FHOD3: variants seen among roughly 807,000 people sequenced by gnomAD.
FHOD3 encodes FH1/FH2 domain-containing protein 3.
Under a neutral mutation model 173.0 loss-of-function variants are expected in FHOD3, and 90 were observed. The ratio of observed to expected loss-of-function variants is 0.52; its 90% CI spans 0.44 to 0.62. The LOEUF (loss-of-function observed/expected upper bound fraction) is 0.62. FHOD3 is among the 20% of genes least tolerant of loss of function. The pLI is 0.00. For missense variants in FHOD3, 1,945 were observed against 2,034.7 expected (o/e 0.96, Z 0.85); for synonymous variants, 828 against 823.0 (o/e 1.01, Z -0.10).
At chr18:36,556,555 T>G (rs1478896018) in intron 5 of FHOD3, among the ~76,000 whole-genome samples, 1 of 152,182 alleles carries the variant, frequency 6.6e-6, no homozygotes, top group African/African-American at 2.4e-5. Context: ...ACGTTATACC[T>G]CTTTGTGTAT....
intron 10 of FHOD3, among the ~76,000 whole-genome samples, chr18:36,637,909 G>C (rs1017142770): frequency 6.6e-6 from 1 of 152,190 alleles, no homozygotes; most frequent in African/African-American, 2.4e-5. Flanking sequence ...CCACCAGCAG[G>C]TAGAAGAAAT....
chr18:36,688,189 T>G (rs1323596496), intron 16 of FHOD3, among the ~76,000 whole-genome samples: 1 of 152,222 alleles, frequency 6.6e-6, no homozygotes, highest in African/African-American at 2.4e-5. Context: ...CCCCCAGCTC[T>G]TTATAGCCTG....
chr18:36,490,222 C>T (rs534852869), intron 3 of FHOD3, among the ~76,000 whole-genome samples: 19 of 152,246 alleles, frequency 1.2e-4, no homozygotes, highest in African/African-American at 4.6e-4. Flanking sequence ...GCATTTTGAT[C>T]TATTAAGTGG....
chr18:36,663,870 G>A (rs771944902), intron 14 of FHOD3, among the ~76,000 whole-genome samples: 15 of 152,206 alleles, frequency 9.9e-5, no homozygotes, highest in Non-Finnish European at 1.8e-4. Flanking sequence ...CAAGTGGACT[G>A]TCTATTCCCT....
chr18:36,362,903 A>T (rs1046423340), intron 2 of FHOD3, among the ~76,000 whole-genome samples: 1 of 152,374 alleles, frequency 6.6e-6, no homozygotes, highest in African/African-American at 2.4e-5. Context: ...AACGTATCTG[A>T]TGGAGTACAA....
At chr18:36,629,932 G>A (rs955182326) in intron 10 of FHOD3, among the ~76,000 whole-genome samples, 1 of 152,104 alleles carries the variant, frequency 6.6e-6, no homozygotes, top group African/African-American at 2.4e-5. Context: ...GGTGCTGCTG[G>A]CATCTAGTGG....
intron 3 of FHOD3, among the ~76,000 whole-genome samples, chr18:36,457,372 G>T (rs562697172): frequency 1.3e-5 from 2 of 152,130 alleles, no homozygotes; most frequent in Non-Finnish European, 2.9e-5. Flanking sequence ...GGTGAAAGTG[G>T]CAGCCATCAG....
In FHOD3 at chr18:36,652,688, G is replaced by T. The variant is rs2036144259; in HGVS notation, c.1405G>T (p.Ala469Ser). 1 of 1,535,660 alleles carries T rather than the reference G, an allele frequency of 6.5e-7. No individual in the cohort carries two copies. The highest frequency in any genetic ancestry group is 8.7e-7 in the Non-Finnish European group (1 of 1,146,684). ...SQGKPLLVGT[A>S]GGTTWHSGSS... ...GGGAAAGCCGCTTCTGGTTGGCACT[G>T]CAGGCGGGACCACCTGGCACAGTGG... Residue 469 changes from alanine to serine, a missense_variant, in exon 12 of 29, where the codon GCA becomes TCA. Transcript: ENST00000590592.
chr18:36,592,237 A>G (rs1280051575), intron 6 of FHOD3, among the ~76,000 whole-genome samples: 1 of 152,168 alleles, frequency 6.6e-6, no homozygotes, highest in African/African-American at 2.4e-5. Flanking sequence ...TAAATAAATC[A>G]GGGTGATGTG....
At chr18:36,695,277 G>A (rs954166450) in intron 17 of FHOD3, among the ~76,000 whole-genome samples, 2 of 151,854 alleles carry the variant, frequency 1.3e-5, no homozygotes, top group Non-Finnish European at 1.5e-5. Context: ...GAACCCAGGA[G>A]GCGGAGGTTG....
At chr18:36,383,229 G>A (rs748456436) in intron 3 of FHOD3, among the ~76,000 whole-genome samples, 3 of 152,184 alleles carry the variant, frequency 2.0e-5, no homozygotes, top group Non-Finnish European at 4.4e-5. Flanking sequence ...GATGGAAGGG[G>A]CGAGGGAATT....
intron 1 of FHOD3, among the ~76,000 whole-genome samples, chr18:36,327,296 A>C (rs2044720450): frequency 6.6e-6 from 1 of 152,262 alleles, no homozygotes; most frequent in East Asian, 1.9e-4. Context: ...GATTAGATGA[A>C]TTAATCCAGG....
chr18:36,668,340 T>C (rs2037314848), intron 14 of FHOD3, among the ~76,000 whole-genome samples: 1 of 152,136 alleles, frequency 6.6e-6, no homozygotes, highest in East Asian at 1.9e-4. Flanking sequence ...ATTATTTTTT[T>C]TAGTATCTGT....
chr18:36,457,224 A>G (rs970249225), intron 3 of FHOD3, among the ~76,000 whole-genome samples: 1 of 152,138 alleles, frequency 6.6e-6, no homozygotes, highest in Non-Finnish European at 1.5e-5. Context: ...GAAGACTTCA[A>G]TATGGATTTA....
intron 2 of FHOD3, among the ~76,000 whole-genome samples, chr18:36,356,153 T>C (rs1347423571): frequency 6.6e-6 from 1 of 152,266 alleles, no homozygotes. Context: ...GCAACTATTT[T>C]AGATATTGTA....
chr18:36,361,685 C>CA (rs539956783), intron 2 of FHOD3, among the ~76,000 whole-genome samples: 1,957 of 66,490 alleles, frequency 0.029, 31 homozygotes, highest in African/African-American at 0.068. Flanking sequence ...GACTCCGTCT[C>CA]AAAAAAAAAA....
intron 1 of FHOD3, among the ~76,000 whole-genome samples, chr18:36,324,960 A>C (rs2044593048): frequency 6.6e-6 from 1 of 152,344 alleles, no homozygotes; most frequent in South Asian, 2.1e-4. Flanking sequence ...TACTTATAGA[A>C]TATTCATAGA....
At chr18:36,357,007 C>T (rs1177944240) in intron 2 of FHOD3, among the ~76,000 whole-genome samples, 3 of 152,108 alleles carry the variant, frequency 2.0e-5, no homozygotes, top group African/African-American at 7.2e-5. Context: ...TAAGAGTTTC[C>T]CTGATACTTT....
chr18:36,482,791 T>C (rs1265410224), intron 3 of FHOD3, among the ~76,000 whole-genome samples: 1 of 150,052 alleles, frequency 6.7e-6, no homozygotes, highest in Non-Finnish European at 1.5e-5. Context: ...TTGAATGGAA[T>C]TGAGTCTATT....
Sources: gnomAD v4.1 joint callset for allele counts (sites outside exome capture counted in the v4.1 genomes callset) on GRCh38, gnomAD v4.1.1 for gene constraint, MANE v1.5 for transcripts, NCBI Gene and HGNC (gene_info 2026-07-23, HGNC 2026-07-21) for gene names.